Variants in KCNQ3 observed in about 807,000 individuals in gnomAD.
KCNQ3 encodes the protein potassium voltage-gated channel subfamily KQT member 3.
Under a neutral mutation model 92.5 loss-of-function variants are expected in KCNQ3, and 30 were observed. The ratio of observed to expected loss-of-function variants is 0.32; its 90% CI spans 0.24 to 0.44. KCNQ3 has a LOEUF of 0.44. Ranked by LOEUF, KCNQ3 falls within the 20% of genes least tolerant of loss-of-function variation. The probability of loss-of-function intolerance (pLI) is 1.00; values close to 1 mark genes in which losing one functional copy is unlikely to be tolerated. For missense variants in KCNQ3, 913 were observed against 1,140.3 expected (o/e 0.80, Z 2.87); for synonymous variants, 450 against 468.8 (o/e 0.96, Z 0.52).
intron 9 of KCNQ3, among the ~76,000 whole-genome samples, chr8:132,159,970 G>A (rs989457581): frequency 5.3e-5 from 8 of 152,204 alleles, no homozygotes; most frequent in African/African-American, 1.7e-4. Flanking sequence ...GTCAGGTGTA[G>A]GAGATAATGC....
intron 1 of KCNQ3, among the ~76,000 whole-genome samples, chr8:132,338,641 C>T (rs905194677): frequency 6.6e-5 from 10 of 152,130 alleles, no homozygotes; most frequent in African/African-American, 1.9e-4. Context: ...AGTAGCGTCA[C>T]CCTCAAATGG....
At chr8:132,221,624 G>T (rs1178390464) in intron 1 of KCNQ3, among the ~76,000 whole-genome samples, 1 of 152,186 alleles carries the variant, frequency 6.6e-6, no homozygotes, top group Non-Finnish European at 1.5e-5. Flanking sequence ...CTTTTGAGAA[G>T]TGTCTGTTCA....
intron 1 of KCNQ3, among the ~76,000 whole-genome samples, chr8:132,277,415 G>A (rs909025079): frequency 6.6e-6 from 1 of 152,178 alleles, no homozygotes; most frequent in Non-Finnish European, 1.5e-5. Flanking sequence ...ATCATGCTGA[G>A]CATCACAGAT....
At chr8:132,372,098 G>A (rs1014372706) in intron 1 of KCNQ3, among the ~76,000 whole-genome samples, 4 of 152,126 alleles carry the variant, frequency 2.6e-5, no homozygotes, top group Admixed American at 2.6e-4. Flanking sequence ...TCCCCATGCT[G>A]TCTCCTTGCT....
At chr8:132,228,406 G>A (rs570440563) in intron 1 of KCNQ3, among the ~76,000 whole-genome samples, 21 of 152,042 alleles carry the variant, frequency 1.4e-4, no homozygotes, top group Non-Finnish European at 2.6e-4. Context: ...TCCCTTCTAT[G>A]TGTCTGGTTT....
intron 9 of KCNQ3, among the ~76,000 whole-genome samples, chr8:132,162,496 C>A (rs1200967338): frequency 6.6e-6 from 1 of 152,112 alleles, no homozygotes; most frequent in Admixed American, 6.6e-5. Context: ...CTGTGGTGTC[C>A]TTTCACTCTG....
At chr8:132,364,155 T>C (rs1370006028) in intron 1 of KCNQ3, among the ~76,000 whole-genome samples, 1 of 152,104 alleles carries the variant, frequency 6.6e-6, no homozygotes, top group Non-Finnish European at 1.5e-5. Flanking sequence ...ACATCGAACA[T>C]AAGGCAAAAA....
chr8:132,140,085 C>G lies in KCNQ3; in HGVS notation c.1559G>C (p.Arg520Pro). Residue 520 changes from arginine (R) to proline (P), a missense_variant, in exon 11 of 15, where the codon CGA becomes CCA. Physicochemically the swap from Arg to Pro is moderately radical, Grantham distance 103. Coordinates refer to ENST00000388996, the MANE Select transcript of KCNQ3 (RefSeq NM_004519.4). ...DMIPTLKAAI[R>P]AVRILQFRLY... Reference sequence around the variant, plus strand: ...ACCGTGGGGGCATTACCTGACGGCTCGGATGGCGGCCTTCAGGGTGGGGAT... The same window carrying G: ...ACCGTGGGGGCATTACCTGACGGCTGGGATGGCGGCCTTCAGGGTGGGGAT... 2 of 1,595,704 alleles carry G rather than the reference C, an allele frequency of 1.3e-6. No individual in the cohort carries two copies. The highest frequency in any genetic ancestry group is 1.7e-6 in the Non-Finnish European group (2 of 1,171,084).
Position 132,390,094 on chromosome 8 carries a change from G to C in KCNQ3, c.386+90053C>G, listed in dbSNP as rs555180493. 9.8e-5 allele frequency among the ~76,000 whole-genome samples: 15 copies of C among 152,320 alleles called. No individual in the cohort carries two copies. In the South Asian group the frequency reaches 3.1e-3, roughly 32 times the overall value. On this transcript the variant is annotated intron_variant, in intron 1 of 14. Coordinates refer to ENST00000388996, the MANE Select transcript of KCNQ3 (RefSeq NM_004519.4). ...TACACAGCAATGAAAAGGAGCTAGA[G>C]CTACATGCAACAACATGGATACAAC...
intron 8 of KCNQ3, among the ~76,000 whole-genome samples, chr8:132,168,647 T>C (rs1826209716): frequency 6.6e-6 from 1 of 151,424 alleles, no homozygotes; most frequent in African/African-American, 2.4e-5. Context: ...TGCCGGAAAA[T>C]GAGTTGCAAT....
chr8:132,442,417 C>T lies in KCNQ3; in HGVS notation c.386+37730G>A, dbSNP rs1413068677. 7.2e-5 allele frequency among the ~76,000 whole-genome samples: 11 copies of T among 152,300 alleles called. No individual in the cohort carries two copies. In the East Asian group the frequency reaches 2.1e-3, roughly 29 times the overall value. On this transcript the variant is annotated intron_variant, in intron 1 of 14. Transcript: ENST00000388996. ...TTGTAATTCCTTGATCAATGTCTGTCTCCCCCACCAGGCTACAAACTCCAT... is the reference window on the plus strand; with the variant it reads ...TTGTAATTCCTTGATCAATGTCTGTTTCCCCCACCAGGCTACAAACTCCAT...
intron 1 of KCNQ3, among the ~76,000 whole-genome samples, chr8:132,372,937 C>T (rs930276529): frequency 6.6e-6 from 1 of 152,012 alleles, no homozygotes; most frequent in Non-Finnish European, 1.5e-5. Flanking sequence ...TGAACGTTAG[C>T]ATGGTTAGTA....
At chr8:132,267,702 C>G (rs1324606798) in intron 1 of KCNQ3, among the ~76,000 whole-genome samples, 30 of 152,172 alleles carry the variant, frequency 2.0e-4, no homozygotes. Flanking sequence ...AAGGCGGATT[C>G]CCAGGCACCA....
rs187962960 is a variant in KCNQ3, at chr8:132,200,577, C to T, written c.387-14396G>A. On this transcript the variant is annotated intron_variant, in intron 1 of 14. Coordinates refer to ENST00000388996, the MANE Select transcript of KCNQ3 (RefSeq NM_004519.4). ...GACCTAATCTTAAAAACACCCCTGT[C>T]GTGTTAGATAATGGAGCATTTAAAA... 4.4e-3 allele frequency among the ~76,000 whole-genome samples: 672 copies of T among 152,064 alleles called. 1 individual carries two copies. The highest frequency in any genetic ancestry group is 7.3e-3 in the Non-Finnish European group (498 of 67,996).
At chr8:132,260,382 T>C (rs996443082) in intron 1 of KCNQ3, among the ~76,000 whole-genome samples, 3 of 152,200 alleles carry the variant, frequency 2.0e-5, no homozygotes, top group Non-Finnish European at 4.4e-5. Context: ...CTTTGTTCTA[T>C]GAGCTGGGAA....
intron 1 of KCNQ3, among the ~76,000 whole-genome samples, chr8:132,360,403 C>A (rs1270809707): frequency 6.6e-6 from 1 of 152,232 alleles, no homozygotes; most frequent in Non-Finnish European, 1.5e-5. Context: ...GATGACCCAT[C>A]TCCTCTCACC....
intron 1 of KCNQ3, among the ~76,000 whole-genome samples, chr8:132,280,701 C>A (rs964701193): frequency 6.6e-6 from 1 of 152,124 alleles, no homozygotes; most frequent in Non-Finnish European, 1.5e-5. Flanking sequence ...AAGGAGCCAG[C>A]CATGAGAAGA....
chr8:132,342,616 T>C (rs1818565770), intron 1 of KCNQ3, among the ~76,000 whole-genome samples: 1 of 152,238 alleles, frequency 6.6e-6, no homozygotes, highest in Non-Finnish European at 1.5e-5. Flanking sequence ...AAGCAGTAGT[T>C]GCTCTCTTTA....
At chr8:132,329,937 T>A (rs1221701256) in intron 1 of KCNQ3, among the ~76,000 whole-genome samples, 1 of 152,210 alleles carries the variant, frequency 6.6e-6, no homozygotes, top group Non-Finnish European at 1.5e-5. Context: ...GGTAGTTAGC[T>A]GAATGGTGGC....
Sources: gnomAD v4.1 joint callset for allele counts (sites outside exome capture counted in the v4.1 genomes callset) on GRCh38, gnomAD v4.1.1 for gene constraint, MANE v1.5 for transcripts, NCBI Gene and HGNC (gene_info 2026-07-23, HGNC 2026-07-21) for gene names.